Variants in THRB observed in about 807,000 individuals in gnomAD.
The protein encoded by THRB is thyroid hormone receptor beta.
A neutral mutation model predicts 47.8 loss-of-function variants in THRB; 12 were observed. The observed-to-expected ratio is 0.25, with a 90% confidence interval of 0.16 to 0.41. THRB has a LOEUF of 0.41. Among genes scored for constraint, THRB ranks in the 10% least tolerant of loss-of-function variants. The pLI, the probability that THRB is intolerant of heterozygous loss-of-function variation, is 1.00. For missense variants in THRB, 348 were observed against 589.2 expected (o/e 0.59, Z 4.24); for synonymous variants, 218 against 212.2 (o/e 1.03, Z -0.24).
At chr3:24,197,636 CATA>C (rs1261321728) in intron 4 of THRB, among the ~76,000 whole-genome samples, 2 of 141,698 alleles carry the variant, frequency 1.4e-5, no homozygotes, top group Non-Finnish European at 3.0e-5. Context: ...AATAATTGAA[CATA>C]ATAAGAACAG....
At chr3:24,483,270 A>G (rs1417973337) in intron 1 of THRB, among the ~76,000 whole-genome samples, 1 of 152,144 alleles carries the variant, frequency 6.6e-6, no homozygotes, top group Non-Finnish European at 1.5e-5. Flanking sequence ...TTTGGATTAG[A>G]AAAGTGTGTG....
chr3:24,142,310 C>G (rs770896585), intron 8 of THRB, among the ~76,000 whole-genome samples: 2 of 152,212 alleles, frequency 1.3e-5, no homozygotes, highest in Non-Finnish European at 2.9e-5. Flanking sequence ...TAAAGGCCAT[C>G]TAGGTATTTG....
At chr3:24,354,686 T>A (rs1317896617) in intron 1 of THRB, among the ~76,000 whole-genome samples, 3 of 152,074 alleles carry the variant, frequency 2.0e-5, no homozygotes, top group African/African-American at 7.2e-5. Flanking sequence ...CACTCTCAAA[T>A]AAAGGATTAC....
intron 1 of THRB, among the ~76,000 whole-genome samples, chr3:24,344,430 G>A (rs934174592): frequency 6.6e-6 from 1 of 152,004 alleles, no homozygotes; most frequent in Non-Finnish European, 1.5e-5. Context: ...ACTTGTAGTT[G>A]ATCAACAAGA....
intron 8 of THRB, among the ~76,000 whole-genome samples, chr3:24,138,460 G>A (rs2034991409): frequency 6.6e-6 from 1 of 152,154 alleles, no homozygotes; most frequent in Non-Finnish European, 1.5e-5. Flanking sequence ...CTAACAATAT[G>A]CCAGGCAGTG....
At chr3:24,385,573 T>G (rs1435764929) in intron 1 of THRB, among the ~76,000 whole-genome samples, 1 of 152,126 alleles carries the variant, frequency 6.6e-6, no homozygotes, top group Non-Finnish European at 1.5e-5. Flanking sequence ...TTGGACTACA[T>G]ATTGTAAACA....
intron 3 of THRB, among the ~76,000 whole-genome samples, chr3:24,268,365 T>C (rs576460771): frequency 6.6e-6 from 1 of 152,326 alleles, no homozygotes; most frequent in South Asian, 2.1e-4. Flanking sequence ...AGCTGGAAGA[T>C]AGTGCAGCGA....
At chr3:24,422,738 C>T (rs537059903) in intron 1 of THRB, among the ~76,000 whole-genome samples, 10 of 152,002 alleles carry the variant, frequency 6.6e-5, no homozygotes, top group African/African-American at 2.2e-4. Context: ...TCAGGCCTTA[C>T]ATCAACCTCC....
intron 1 of THRB, among the ~76,000 whole-genome samples, chr3:24,414,094 T>C (rs1305393782): frequency 6.6e-6 from 1 of 151,830 alleles, no homozygotes; most frequent in Non-Finnish European, 1.5e-5. Flanking sequence ...TATAAGCAAA[T>C]GGAAACAGTG....
rs1270057480 is a variant in THRB at position 24,121,493 on chromosome 3, AT to A, written c.*1390del. Reference sequence around the variant, plus strand: ...ACATTCAATTGCATGGGTACATTCTATGCCCATTTTCTGACGCTGAAGAGAT... The same window carrying A: ...ACATTCAATTGCATGGGTACATTCTAGCCCATTTTCTGACGCTGAAGAGAT... On this transcript the variant is annotated 3_prime_UTR_variant, in exon 11 of 11. Transcript: ENST00000646209. 6.6e-6 allele frequency: 1 copy of A among 152,640 alleles called. No homozygotes were observed. Among genetic ancestry groups the A allele is most frequent in the African/African-American group, 2.4e-5 (1 of 41,454 alleles). The allele number at this position is 152,640 out of a possible 1,614,324, so 9.5% of individuals were successfully genotyped here. A position where few individuals can be genotyped will look rare whatever the true frequency, so the allele number is the denominator to read the frequency against.
intron 1 of THRB, among the ~76,000 whole-genome samples, chr3:24,435,694 T>C (rs2070873873): frequency 1.3e-5 from 2 of 152,018 alleles, no homozygotes; most frequent in East Asian, 1.9e-4. Context: ...CCACCCCCAC[T>C]CAACAACTTA....
At chr3:24,133,290 T>C in intron 9 of THRB, 26 bp downstream of exon 9, 1 of 1,613,164 alleles carries the variant, frequency 6.2e-7, no homozygotes, top group Non-Finnish European at 8.5e-7. Context: ...TTAAGAATAA[T>C]GCAGAAGGAA....
At chr3:24,403,816 A>C (rs2067613382) in intron 1 of THRB, among the ~76,000 whole-genome samples, 1 of 151,986 alleles carries the variant, frequency 6.6e-6, no homozygotes, top group Admixed American at 6.6e-5. Flanking sequence ...GAGGAAAAGC[A>C]CTTGTGTGAC....
At chr3:24,477,044 A>G (rs940546751) in intron 1 of THRB, among the ~76,000 whole-genome samples, 4 of 144,432 alleles carry the variant, frequency 2.8e-5, no homozygotes, top group Admixed American at 2.7e-4. Flanking sequence ...CCCAGTCAGA[A>G]TTCCATTTTG....
At chr3:24,229,105 T>G in intron 3 of THRB, 104 bp from the exon 4 acceptor site, 1 of 744,204 alleles carries the variant, frequency 1.3e-6, no homozygotes, top group South Asian at 1.6e-5. Flanking sequence ...TGAAGCAATA[T>G]TTGTTACTCT....
At chr3:24,405,936 TTTC>T (rs1452151781) in intron 1 of THRB, among the ~76,000 whole-genome samples, 4 of 151,602 alleles carry the variant, frequency 2.6e-5, no homozygotes, top group African/African-American at 9.7e-5. Flanking sequence ...GTCTTATAAA[TTTC>T]TTTTTATATT....
intron 3 of THRB, among the ~76,000 whole-genome samples, chr3:24,284,692 G>A (rs2055050799): frequency 6.7e-6 from 1 of 148,928 alleles, no homozygotes; most frequent in Non-Finnish European, 1.5e-5. Context: ...TCTGACAAAG[G>A]GCTAATATCC....
At position 24,119,486 on chromosome 3, in the gene THRB, A is replaced by T. The variant is rs2031249430; in HGVS notation, c.*3398T>A. The T allele has an allele frequency of 6.6e-6, 1 of 152,230 alleles. No homozygotes were observed. The highest frequency in any genetic ancestry group is 2.4e-5 in the African/African-American group (1 of 41,460). The allele number at this position is 152,230 out of a possible 1,614,324, so 9.4% of individuals were successfully genotyped here. On this transcript the variant is annotated 3_prime_UTR_variant, in exon 11 of 11. Transcript: ENST00000646209. The stretch of plus-strand genomic sequence containing the variant: ...ATAAAAAGGTATCACTGACAATGAC[A>T]TGCTTCAAGGGTGCTCAGCGGTTCC...
At chr3:24,284,579 A>T (rs1576545654) in intron 3 of THRB, among the ~76,000 whole-genome samples, 2 of 151,184 alleles carry the variant, frequency 1.3e-5, no homozygotes, top group African/African-American at 4.9e-5. Context: ...AAATTGACAA[A>T]TGGGATCTAA....
Sources: gnomAD v4.1 joint callset for allele counts (sites outside exome capture counted in the v4.1 genomes callset) on GRCh38, gnomAD v4.1.1 for gene constraint, MANE v1.5 for transcripts, NCBI Gene and HGNC (gene_info 2026-07-23, HGNC 2026-07-21) for gene names.